The following DCAF6 variants were observed in gnomAD, a reference collection of about 807,000 sequenced individuals.
DCAF6 encodes DDB1 and CUL4 associated factor 6, also known as DDB1- and CUL4-associated factor 6.
A neutral mutation model predicts 125.1 loss-of-function variants in DCAF6; 54 were observed. The observed-to-expected ratio is 0.43, with a 90% CI of 0.35 to 0.54. The LOEUF (loss-of-function observed/expected upper bound fraction) is 0.54. Among genes scored for constraint, DCAF6 ranks in the 20% least tolerant of loss-of-function variants. The probability of loss-of-function intolerance (pLI) is 0.01; values close to 1 mark genes in which losing one functional copy is unlikely to be tolerated. For synonymous variants in DCAF6, 371 were observed against 390.4 expected (o/e 0.95, Z 0.58); for missense variants, 934 against 1,161.7 (o/e 0.80, Z 2.85).
chr1:167,942,235 T>C (rs954254216), intron 1 of DCAF6, among the ~76,000 whole-genome samples: 8 of 122,538 alleles, frequency 6.5e-5, no homozygotes, highest in Admixed American at 6.2e-4. Context: ...CAGCTAATGT[T>C]GTATTTTTAG....
intron 2 of DCAF6, among the ~76,000 whole-genome samples, chr1:167,960,196 T>C (rs1453796233): frequency 1.3e-5 from 2 of 152,142 alleles, no homozygotes; most frequent in African/African-American, 4.8e-5. Context: ...GGTCTGTTTC[T>C]GGGCTCTGAA....
At chr1:167,867,765 G>A in the DCAF6 span, among the ~76,000 whole-genome samples, 1 of 151,812 alleles carries the variant, frequency 6.6e-6, no homozygotes, top group Non-Finnish European at 1.5e-5. Flanking sequence ...AATAAGATGC[G>A]GTTCTTTAAA....
intron 4 of DCAF6, among the ~76,000 whole-genome samples, chr1:167,977,208 G>GT (rs532923328): frequency 0.027 from 3,490 of 127,148 alleles, 57 homozygotes; most frequent in Non-Finnish European, 0.044. Context: ...CTGGGCCACA[G>GT]TTTTTTTTTT....
At chr1:168,009,480 C>CCCTTCCTTCATTTCTTCCCTCCCTT (rs1428312013) in intron 10 of DCAF6, among the ~76,000 whole-genome samples, 2 of 148,342 alleles carry the variant, frequency 1.3e-5, no homozygotes, top group African/African-American at 5.0e-5. Context: ...CTCCCTCCCT[C>CCCTTCCTTCATTTCTTCCCTCCCTT]CCTTCCTTCA....
At chr1:167,865,965 T>G in the DCAF6 span, among the ~76,000 whole-genome samples, 1 of 152,200 alleles carries the variant, frequency 6.6e-6, no homozygotes, top group African/African-American at 2.4e-5. Context: ...CCGAGGGCCA[T>G]CCAGCCTCCG....
At chr1:167,865,820 C>T in the DCAF6 span, among the ~76,000 whole-genome samples, 1 of 152,186 alleles carries the variant, frequency 6.6e-6, no homozygotes, top group Admixed American at 6.5e-5. Flanking sequence ...GCCAGAGGCC[C>T]TCATTGTCCC....
the DCAF6 span, among the ~76,000 whole-genome samples, chr1:167,897,042 T>A: frequency 6.6e-6 from 1 of 152,046 alleles, no homozygotes; most frequent in Non-Finnish European, 1.5e-5. Context: ...TTCTTCCTTA[T>A]AAGTGTTAAA....
the DCAF6 span, among the ~76,000 whole-genome samples, chr1:167,868,126 A>T: frequency 6.6e-6 from 1 of 152,208 alleles, no homozygotes; most frequent in Admixed American, 6.5e-5. Flanking sequence ...TCTATGATTA[A>T]CTAAATGTGC....
intron 12 of DCAF6, among the ~76,000 whole-genome samples, chr1:168,036,548 A>G (rs573573517): frequency 6.6e-6 from 1 of 152,336 alleles, no homozygotes; most frequent in Non-Finnish European, 1.5e-5. Flanking sequence ...TGTTTCATCT[A>G]TTGCAGAAGC....
In DCAF6 at chr1:168,037,717, G is replaced by C. The variant is rs527347570; in HGVS notation, c.1610-654G>C. Among the ~76,000 whole-genome samples the C allele has an allele frequency of 3.3e-4, 51 of 152,240 alleles. 1 individual carries two copies. Among genetic ancestry groups the C allele is most frequent in the African/African-American group, 9.6e-4 (40 of 41,552 alleles). Reference sequence around the variant, plus strand: ...TATAGGCTCTTAAAATGAAATTGCTGTTTCCACAATTAAACAAATTCCTTG... The same window carrying C: ...TATAGGCTCTTAAAATGAAATTGCTCTTTCCACAATTAAACAAATTCCTTG... On this transcript the variant is annotated intron_variant, in intron 12 of 21. Transcript: ENST00000367840.
chr1:167,888,520 T>A, the DCAF6 span, among the ~76,000 whole-genome samples: 1 of 152,166 alleles, frequency 6.6e-6, no homozygotes, highest in South Asian at 2.1e-4. Flanking sequence ...TATTTTTAGC[T>A]ATTGTTAACA....
rs554283051 is a variant in DCAF6, at chr1:167,948,203, T to A, written c.98-3597T>A. ...CCATTTTTAGGATTCACTCTTCACT[T>A]TGACTTCAGACAGTCTGATTATAAT... On this transcript the variant is annotated intron_variant, in intron 1 of 21. Transcript: ENST00000367840. Among the ~76,000 whole-genome samples the A allele has an allele frequency of 5.9e-5, 9 of 152,180 alleles. No individual in the cohort carries two copies. In the East Asian group the frequency reaches 1.7e-3, roughly 29 times the overall value.
At chr1:167,870,600 C>T in the DCAF6 span, among the ~76,000 whole-genome samples, 1 of 142,340 alleles carries the variant, frequency 7.0e-6, no homozygotes, top group Non-Finnish European at 1.5e-5. Flanking sequence ...CGTGACCAGC[C>T]TGGCCAACAT....
the DCAF6 span, chr1:167,880,531 T>C: frequency 1.9e-6 from 3 of 1,614,142 alleles, no homozygotes; most frequent in Non-Finnish European, 2.5e-6. Context: ...AATATATCCA[T>C]AGCACATTCC....
Position 168,027,868 on chromosome 1 carries a change from CTTCA to C in DCAF6, c.1609+4828_1609+4831del, listed in dbSNP as rs749565512. Reference sequence around the variant, plus strand: ...TGATAGAAGTATGTTTAGCCTGAATCTTCATTCATTAATGCAGCTCCCTGGTTGT... The same window carrying C: ...TGATAGAAGTATGTTTAGCCTGAATCTTCATTAATGCAGCTCCCTGGTTGT... On this transcript the variant is annotated intron_variant, in intron 12 of 21. Transcript: ENST00000367840. 6.6e-5 allele frequency among the ~76,000 whole-genome samples: 10 copies of C among 152,202 alleles called. No homozygotes were observed. In the East Asian group the frequency reaches 1.5e-3, roughly 23 times the overall value.
At chr1:167,917,877 G>C in the DCAF6 span, 1 of 153,092 alleles carries the variant, frequency 6.5e-6, no homozygotes, top group Non-Finnish European at 1.5e-5. Flanking sequence ...TTTTTAAATA[G>C]TTTGAGGTCA....
At chr1:167,888,476 T>C in the DCAF6 span, among the ~76,000 whole-genome samples, 1 of 152,156 alleles carries the variant, frequency 6.6e-6, no homozygotes, top group African/African-American at 2.4e-5. Context: ...TAGAGATCTT[T>C]CACTTCTTTG....
At chr1:167,903,359 T>A in the DCAF6 span, among the ~76,000 whole-genome samples, 6 of 151,804 alleles carry the variant, frequency 4.0e-5, no homozygotes, top group Non-Finnish European at 7.4e-5. Context: ...AGGTCAGGAG[T>A]TTGAGACCAG....
At chr1:168,049,106 T>G (rs1344683854) in intron 16 of DCAF6, among the ~76,000 whole-genome samples, 1 of 152,218 alleles carries the variant, frequency 6.6e-6, no homozygotes, top group Non-Finnish European at 1.5e-5. Context: ...AAAGAAATGT[T>G]TGTTCTCTAA....
Sources: gnomAD v4.1 joint callset for allele counts (sites outside exome capture counted in the v4.1 genomes callset) on GRCh38, gnomAD v4.1.1 for gene constraint, MANE v1.5 for transcripts, NCBI Gene and HGNC (gene_info 2026-07-23, HGNC 2026-07-21) for gene names.